The following TTN variants were observed in gnomAD, a reference collection of about 807,000 sequenced individuals.
TTN encodes connectin.
Under a neutral mutation model 3,223.0 loss-of-function variants are expected in TTN, and 1,525 were observed. The observed-to-expected ratio is 0.47, with a 90% CI of 0.45 to 0.49. The LOEUF is 0.49. TTN is among the 20% of genes least tolerant of loss of function. The pLI is 0.00. For synonymous variants in TTN, 14,094 were observed against 15,161.0 expected (o/e 0.93, Z 5.17); for missense variants, 40,786 against 43,424.0 (o/e 0.94, Z 5.40).
intron 10 of TTN, among the ~76,000 whole-genome samples, chr2:178,791,439 G>T (rs966289419): frequency 6.6e-6 from 1 of 152,144 alleles, no homozygotes; most frequent in African/African-American, 2.4e-5. Flanking sequence ...GACACTTAAA[G>T]GTTTGATTTC....
In TTN at chr2:178,664,055, C is replaced by G. The variant is rs549147739; in HGVS notation, c.36324G>C (p.Ser12108=). 4.3e-6 allele frequency: 7 copies of G among 1,612,982 alleles called. No individual in the cohort carries two copies. The highest frequency in any genetic ancestry group is 4.0e-5 in the African/African-American group (3 of 74,916). The part of the protein sequence containing the change: ...PKEIIPEKKV[S]VVPPKKPEVP... ...CTTCAGGCTTTTTAGGAGGCACCAC[C>G]GACACTTTCTTTTCAGGGATAATCT... The change falls in exon 169 of 363, where the codon TCG becomes TCC. Residue 12108 remains serine, a synonymous_variant. Transcript: ENST00000589042.
rs186005100 is a variant in TTN, at chr2:178,775,969, A to G, written c.5895T>C (p.Asp1965=). 42 of 1,614,114 alleles carry G rather than the reference A, an allele frequency of 2.6e-5. No individual in the cohort carries two copies. In the African/African-American group the frequency reaches 5.3e-4, roughly 20 times the overall value. The stretch of plus-strand genomic sequence containing the variant: ...TGGTTTCAGTGGTGTCAACAGGTCT[A>G]TCCACTTTTTGTACTTCAAACTGAA... ...GKLQFEVQKV[D]RPVDTTETKE... The change falls in exon 28 of 363, where the codon GAT becomes GAC. Residue 1965 remains aspartate, a synonymous_variant. Coordinates refer to ENST00000589042, the MANE Select transcript of TTN (RefSeq NM_001267550.2).
In TTN at chr2:178,689,144, G is replaced by C; in HGVS notation, c.32012-8C>G. 1 of 1,600,786 alleles carries C rather than the reference G, an allele frequency of 6.2e-7. No homozygotes were observed. ...TCTTAGGCAGAGCTGGCACTTTAGA[G>C]ACATTATGCACTTTTAGAAATTTAA... On this transcript the variant is annotated splice_polypyrimidine_tract_variant and splice_region_variant and intron_variant, in intron 124 of 362. Coordinates refer to ENST00000589042, the MANE Select transcript of TTN (RefSeq NM_001267550.2).
Position 178,590,145 on chromosome 2 carries a change from T to C in TTN, c.61580A>G (p.Gln20527Arg). 2 of 1,613,264 alleles carry C rather than the reference T, an allele frequency of 1.2e-6. No individual in the cohort carries two copies. The highest frequency in any genetic ancestry group is 2.2e-5 in the South Asian group (2 of 91,018). ...LVREKRVDLI[Q>R]DLPRVELQIK... is the part of the protein sequence containing the mutation. ...TTGTAACTCAACACGAGGTAGATCC[T>C]GAATAAGGTCCACCCTCTTTTCTCG... The change falls in exon 304 of 363, where the codon CAG becomes CGG. Residue 20527 changes from glutamine (Q) to arginine (R), a missense_variant. Gln to Arg is a conservative substitution (Grantham distance 43). Coordinates refer to ENST00000589042, the MANE Select transcript of TTN (RefSeq NM_001267550.2).
chr2:178,528,973 A>G lies in TTN; in HGVS notation c.106778T>C (p.Ile35593Thr). The change falls in exon 360 of 363, where the codon ATC becomes ACC. Residue 35593 changes from isoleucine to threonine, a missense_variant. Ile to Thr is a moderately conservative substitution (Grantham distance 89, BLOSUM62 -1). Coordinates refer to ENST00000589042, the MANE Select transcript of TTN (RefSeq NM_001267550.2). ...SLEKSIVHEEITKTSQASEEV... is the reference protein window; with the variant it reads ...SLEKSIVHEETTKTSQASEEV... ...TTCTGATGCCTGTGATGTTTTAGTG[A>G]TTTCCTCATGGACAATGGATTTTTC... 1 of 1,613,876 alleles carries G rather than the reference A, an allele frequency of 6.2e-7. No homozygotes were observed. Among genetic ancestry groups the G allele is most frequent in the Non-Finnish European group, 8.5e-7 (1 of 1,179,856 alleles).
Position 178,730,383 on chromosome 2 carries a change from G to C in TTN, c.18029-12C>G. On this transcript the variant is annotated splice_polypyrimidine_tract_variant and intron_variant, in intron 61 of 362. Coordinates refer to ENST00000589042, the MANE Select transcript of TTN (RefSeq NM_001267550.2). ...AAAGTAAGGGGGTTCTGAGGTGAAA[G>C]AAAAAACAAGCAAAAGAAAATAGGA... 6.4e-7 allele frequency: 1 copy of C among 1,561,028 alleles called. No individual in the cohort carries two copies. The highest frequency in any genetic ancestry group is 8.6e-7 in the Non-Finnish European group (1 of 1,156,668).
intron 256 of TTN, 44 bp downstream of exon 256, chr2:178,616,685 A>T (rs1327669395): frequency 6.8e-6 from 11 of 1,611,808 alleles, no homozygotes; most frequent in Non-Finnish European, 9.3e-6. Flanking sequence ...AATATTTGTT[A>T]ATACTGCCAA....
Position 178,613,243 on chromosome 2 carries a change from T to C in TTN, c.49566A>G (p.Arg16522=). The part of the protein sequence containing the change: ...VKGLTNKKKY[R]FRVLAENLAG... ...CAAGATTTTCAGCCAACACACGGAA[T>C]CTGTATTTTTTCTTATTAGTGAGAC... The change falls in exon 264 of 363, where the codon AGA becomes AGG. Residue 16522 remains arginine (R), a synonymous_variant. Transcript: ENST00000589042. 1 of 1,611,316 alleles carries C rather than the reference T, an allele frequency of 6.2e-7. No individual in the cohort carries two copies. The highest frequency in any genetic ancestry group is 1.3e-5 in the African/African-American group (1 of 74,924).
Position 178,602,657 on chromosome 2 carries a change from C to T in TTN, c.54812-67G>A, listed in dbSNP as rs116489386. 1,440 of 1,225,596 alleles carry T rather than the reference C, an allele frequency of 1.2e-3. 11 individuals are homozygous for T. In the African/African-American group the frequency reaches 0.019, roughly 16 times the overall value. 75.9% of individuals were successfully genotyped at this position (1,225,596 alleles called of 1,614,324 possible). A position where few individuals can be genotyped will look rare whatever the true frequency, so the allele number is the denominator to read the frequency against. ...GCTGATGAAGTGCTGGAGTCTTTTACTACACATGATCATATATTATTTTAA... is the reference window on the plus strand; with the variant it reads ...GCTGATGAAGTGCTGGAGTCTTTTATTACACATGATCATATATTATTTTAA... On this transcript the variant is annotated intron_variant, in intron 282 of 362. Coordinates refer to ENST00000589042, the MANE Select transcript of TTN (RefSeq NM_001267550.2).
rs1445569607 is a variant in TTN, at chr2:178,575,943, A to G, written c.70189T>C (p.Phe23397Leu). ...NRANIENTES[F>L]TLLIIPECNR... ...CATTCTGGGATAATCAGAAGAGTAAATGATTCCGTATTTTCAATGTTGGCT... is the reference window on the plus strand; with the variant it reads ...CATTCTGGGATAATCAGAAGAGTAAGTGATTCCGTATTTTCAATGTTGGCT... The change falls in exon 326 of 363, where the codon TTT (phenylalanine) becomes CTT (leucine). Residue 23397 changes from phenylalanine (F) to leucine (L), a missense_variant. Phe to Leu is a conservative substitution (Grantham distance 22). Coordinates refer to ENST00000589042, the MANE Select transcript of TTN (RefSeq NM_001267550.2). This position sits in a 1 kb window ranked among gnomAD's most constrained non-coding sequence, Gnocchi z 4.0. 1 of 1,611,938 alleles carries G rather than the reference A, an allele frequency of 6.2e-7. No homozygotes were observed. The highest frequency in any genetic ancestry group is 8.5e-7 in the Non-Finnish European group (1 of 1,178,218).
chr2:178,669,785 A>C (rs1004160964), intron 157 of TTN, 110 bp from the exon 158 acceptor site: 2 of 1,022,572 alleles, frequency 2.0e-6, no homozygotes, highest in African/African-American at 3.2e-5. Flanking sequence ...CCCCTCAATT[A>C]TAAGTCAACT....
chr2:178,689,078 G>C lies in TTN; in HGVS notation c.32070C>G (p.Val10690=). 1 of 1,606,934 alleles carries C rather than the reference G, an allele frequency of 6.2e-7. No homozygotes were observed. Among genetic ancestry groups the C allele is most frequent in the Non-Finnish European group, 8.5e-7 (1 of 1,178,840 alleles). The change falls in exon 125 of 363, where the codon GTC becomes GTG. Residue 10690 remains valine, a synonymous_variant. Transcript: ENST00000589042. The part of the protein sequence containing the change: ...PEEKVAVPVP[V]AKKAPPPRAE... ...CTCGGGGAGGAGGAGCTTTCTTAGC[G>C]ACAGGAACTGGCACTGCAACTTTCT...
rs397517553 is a variant in TTN at position 178,652,500 on chromosome 2, G to T, written c.39085C>A (p.Pro13029Thr). The change falls in exon 202 of 363, where the codon CCA becomes ACA. Residue 13029 changes from proline to threonine, a missense_variant. Transcript: ENST00000589042. ...PKEVVPEKKV[P>T]AAPPKKPEVT... ...TCAGGCTTTTTAGGAGGAGCCGCTGGCACTTTCTTTTCAGGAACAACTTCT... is the reference window on the plus strand; with the variant it reads ...TCAGGCTTTTTAGGAGGAGCCGCTGTCACTTTCTTTTCAGGAACAACTTCT... The T allele has an allele frequency of 3.0e-4, 491 of 1,613,614 alleles. 6 individuals are homozygous for T. The South Asian group carries it at 4.8e-3, about 16-fold the overall frequency.
Position 178,570,691 on chromosome 2 carries a change from T to C in TTN, c.75441A>G (p.Lys25147=), listed in dbSNP as rs56151652. The change falls in exon 326 of 363, where the codon AAA becomes AAG. Residue 25147 remains lysine (K), a synonymous_variant. Transcript: ENST00000589042. ...CTGTGTTTGAAAGCTCCTGATCACC[T>C]TTTATCCACTGAATGGTTGGTATTG... ...GKPIPTIQWI[K]GDQELSNTAR... 9,961 of 1,613,560 alleles carry C rather than the reference T, an allele frequency of 6.2e-3. 67 individuals are homozygous for C. The highest frequency in any genetic ancestry group is 0.023 in the South Asian group (2,098 of 91,072).
chr2:178,733,430 G>A lies in TTN; in HGVS notation c.15863C>T (p.Pro5288Leu). Residue 5288 changes from proline (P) to leucine (L), a missense_variant, in exon 54 of 363, where the codon CCA becomes CTA. Coordinates refer to ENST00000589042, the MANE Select transcript of TTN (RefSeq NM_001267550.2). ...TTTGTACCATTTGGGCTTCAGTTCT[G>A]GCGTGCCTGCCACTGTGTACTCCAG... ...ATLEYTVAGT[P>L]ELKPKWYKDG... 1.2e-6 allele frequency: 2 copies of A among 1,613,742 alleles called. No individual in the cohort carries two copies. Among genetic ancestry groups the A allele is most frequent in the Non-Finnish European group, 1.7e-6 (2 of 1,179,764 alleles).
At position 178,557,128 on chromosome 2, in the gene TTN, AAC is replaced by A; in HGVS notation, c.88024_88025del (p.Val29342SerfsTer4). 6.2e-7 allele frequency: 1 copy of A among 1,613,660 alleles called. No homozygotes were observed. Among genetic ancestry groups the A allele is most frequent in the Non-Finnish European group, 8.5e-7 (1 of 1,179,762 alleles). ...AIDACEPPRNVRITDISKNSV... is the reference protein window; with the variant it reads ...AIDACEPPRNXRITDISKNSV... ...AGTTCTTTGAAATATCAGTGATACGAACATTTCTTGGGGGTTCTGTGGTAATA... is the reference window on the plus strand; with the variant it reads ...AGTTCTTTGAAATATCAGTGATACGAATTTCTTGGGGGTTCTGTGGTAATA... On this transcript the variant is annotated frameshift_variant, in exon 330 of 363. Coordinates refer to ENST00000589042, the MANE Select transcript of TTN (RefSeq NM_001267550.2). LOFTEE classifies it high-confidence loss of function.
In TTN at chr2:178,652,292, A is replaced by T. The variant is rs12474306; in HGVS notation, c.39183T>A (p.Pro13061=). Residue 13061 remains proline, a synonymous_variant, in exon 203 of 363, where the codon CCT becomes CCA. Transcript: ENST00000589042. ...TTGTGGGTGGCACTTCAGGCTTTTTAGGAGGAGGCACTGGCACTTTCTTTT... is the reference window on the plus strand; with the variant it reads ...TTGTGGGTGGCACTTCAGGCTTTTTTGGAGGAGGCACTGGCACTTTCTTTT... ...VPEKKVPVPP[P]KKPEVPPTKV... is the part of the protein sequence containing the mutation. 16,681 of 1,613,714 alleles carry T rather than the reference A, an allele frequency of 0.01. 105 individuals carry two copies. Among genetic ancestry groups the T allele is most frequent in the Non-Finnish European group, 0.013 (14,962 of 1,179,706 alleles).
At position 178,533,825 on chromosome 2, in the gene TTN, G is replaced by C; in HGVS notation, c.102790C>G (p.Leu34264Val). 1 of 1,613,950 alleles carries C rather than the reference G, an allele frequency of 6.2e-7. No individual in the cohort carries two copies. Among genetic ancestry groups the C allele is most frequent in the Non-Finnish European group, 8.5e-7 (1 of 1,179,870 alleles). ...CCTACATAAGCTGTCTTATTATAGA[G>C]AGGCAGGGTAAATTCTGGTGGCCTT... ...LERPPEFTLP[L>V]YNKTAYVGEN... The change falls in exon 358 of 363, where the codon CTC becomes GTC. Residue 34264 changes from leucine to valine, a missense_variant. Transcript: ENST00000589042.
intron 344 of TTN, 61 bp downstream of exon 344, chr2:178,545,327 A>C (rs778063467): frequency 7.0e-7 from 1 of 1,437,180 alleles, no homozygotes; most frequent in Admixed American, 2.5e-5. Flanking sequence ...TGTGTGTTGG[A>C]AAATTATCTG....
Sources: allele counts gnomAD v4.1 joint callset (sites outside exome capture counted in the v4.1 genomes callset), GRCh38; gene constraint gnomAD v4.1.1; non-coding constraint Gnocchi (gnomAD v3.1); transcripts MANE v1.5; gene names NCBI Gene and HGNC (gene_info 2026-07-23, HGNC 2026-07-21).